The following RIT2 variants were observed in gnomAD, a reference collection of about 807,000 sequenced individuals.
RIT2 encodes the protein Ras like without CAAX 2.
Under a neutral mutation model 23.7 loss-of-function variants are expected in RIT2, and 24 were observed. That is an observed-to-expected ratio of 1.01 (90% CI 0.73 to 1.43). The LOEUF (loss-of-function observed/expected upper bound fraction) is 1.43, where lower values mean the gene tolerates loss of function less well. RIT2 is among the 40% of genes most tolerant of loss of function. RIT2 has a pLI of 0.00. For missense variants in RIT2, 236 were observed against 266.9 expected, an observed-to-expected ratio of 0.88 and a Z score of 0.81; for synonymous variants, 107 against 91.1, an observed-to-expected ratio of 1.17 and a Z score of -0.99.
At chr18:42,997,773 A>G (rs973834200) in intron 2 of RIT2, among the ~76,000 whole-genome samples, 3 of 152,206 alleles carry the variant, frequency 2.0e-5, no homozygotes, top group African/African-American at 7.2e-5. Context: ...ACACTATTTT[A>G]CCATCTCAAG....
intron 4 of RIT2, among the ~76,000 whole-genome samples, chr18:42,845,379 A>C (rs1466564142): frequency 1.3e-5 from 2 of 151,270 alleles, no homozygotes; most frequent in Non-Finnish European, 2.9e-5. Flanking sequence ...AAAAATATAT[A>C]GATTTATATG....
chr18:42,840,140 T>C (rs1016835103), intron 4 of RIT2, among the ~76,000 whole-genome samples: 1 of 152,226 alleles, frequency 6.6e-6, no homozygotes, highest in Non-Finnish European at 1.5e-5. Context: ...ACTGAATCTT[T>C]TGCTTGTTTC....
chr18:42,786,722 C>T (rs781153940), intron 4 of RIT2, among the ~76,000 whole-genome samples: 2 of 152,090 alleles, frequency 1.3e-5, no homozygotes, highest in Non-Finnish European at 2.9e-5. Context: ...CTCATTTCCA[C>T]CCACAGACCC....
intron 2 of RIT2, among the ~76,000 whole-genome samples, chr18:43,031,201 A>T (rs1911846619): frequency 6.6e-6 from 1 of 151,760 alleles, no homozygotes; most frequent in Non-Finnish European, 1.5e-5. Flanking sequence ...ATTCCTATGC[A>T]TCTTTCAAAA....
intron 4 of RIT2, among the ~76,000 whole-genome samples, chr18:42,757,633 G>T (rs771017593): frequency 3.9e-5 from 6 of 152,140 alleles, no homozygotes; most frequent in Admixed American, 1.3e-4. Flanking sequence ...GAAAATGTAC[G>T]TGCCTGTGCT....
chr18:42,794,266 A>G (rs1381750422), intron 4 of RIT2, among the ~76,000 whole-genome samples: 1 of 152,162 alleles, frequency 6.6e-6, no homozygotes, highest in Non-Finnish European at 1.5e-5. Context: ...GCAATGTTGT[A>G]GCAATGTTGT....
chr18:43,038,667 G>A (rs1025664200), intron 1 of RIT2, among the ~76,000 whole-genome samples: 3 of 152,022 alleles, frequency 2.0e-5, no homozygotes, highest in Non-Finnish European at 4.4e-5. Context: ...ATCTACACAC[G>A]ATTATTTGAG....
intron 4 of RIT2, among the ~76,000 whole-genome samples, chr18:42,795,094 C>T (rs111967993): frequency 0.058 from 8,760 of 152,324 alleles, 310 homozygotes; most frequent in Middle Eastern, 0.099. Flanking sequence ...TGGCAGTCCT[C>T]ACAGCCCTCG....
chr18:42,914,030 C>T (rs534314603), intron 4 of RIT2, among the ~76,000 whole-genome samples: 72 of 151,934 alleles, frequency 4.7e-4, no homozygotes, highest in African/African-American at 1.6e-3. Flanking sequence ...TGTACAGATC[C>T]TTAACTGTAG....
At chr18:43,041,813 A>G (rs1267185869) in intron 1 of RIT2, among the ~76,000 whole-genome samples, 1 of 152,144 alleles carries the variant, frequency 6.6e-6, no homozygotes, top group Admixed American at 6.5e-5. Context: ...TACTTCTCTG[A>G]AAATCTGACA....
chr18:42,896,612 T>A (rs1167411861), intron 4 of RIT2, among the ~76,000 whole-genome samples: 2 of 152,234 alleles, frequency 1.3e-5, no homozygotes, highest in African/African-American at 4.8e-5. Context: ...TTCTGTCTTA[T>A]AGCTAAGATT....
At chr18:42,947,239 G>A (rs1275734439) in intron 3 of RIT2, among the ~76,000 whole-genome samples, 1 of 152,090 alleles carries the variant, frequency 6.6e-6, no homozygotes, top group East Asian at 1.9e-4. Flanking sequence ...CAGACATAGT[G>A]AATAGCTAGT....
intron 1 of RIT2, among the ~76,000 whole-genome samples, chr18:43,042,509 A>G (rs1335562849): frequency 6.6e-6 from 1 of 152,138 alleles, no homozygotes; most frequent in Non-Finnish European, 1.5e-5. Context: ...TCCTCCAGAT[A>G]CCTGCATGGC....
chr18:42,942,851 A>G (rs549187858), intron 3 of RIT2, among the ~76,000 whole-genome samples: 1 of 152,284 alleles, frequency 6.6e-6, no homozygotes, highest in South Asian at 2.1e-4. Flanking sequence ...ATGTTTGACA[A>G]TAAATGATGT....
chr18:42,981,010 T>A (rs1910586165), intron 2 of RIT2, among the ~76,000 whole-genome samples: 1 of 152,052 alleles, frequency 6.6e-6, no homozygotes, highest in Non-Finnish European at 1.5e-5. Context: ...CCTGAGAGAG[T>A]AGAAGGATCC....
At chr18:43,045,174 G>A (rs994583406) in intron 1 of RIT2, among the ~76,000 whole-genome samples, 6 of 152,088 alleles carry the variant, frequency 3.9e-5, no homozygotes, top group Admixed American at 6.6e-5. Flanking sequence ...GCCAACATAC[G>A]TAAATACAAC....
At chr18:42,828,166 A>T (rs1430787656) in intron 4 of RIT2, among the ~76,000 whole-genome samples, 1 of 152,174 alleles carries the variant, frequency 6.6e-6, no homozygotes, top group Non-Finnish European at 1.5e-5. Flanking sequence ...TGCTGGCAAG[A>T]CCATGAATTT....
chr18:43,109,147 T>G (rs1240363642), intron 1 of RIT2, among the ~76,000 whole-genome samples: 2 of 152,252 alleles, frequency 1.3e-5, no homozygotes, highest in Admixed American at 6.5e-5. Flanking sequence ...ATATTGTTAC[T>G]GCTTTCTCTT....
intron 4 of RIT2, among the ~76,000 whole-genome samples, chr18:42,891,207 T>C (rs1460631718): frequency 6.6e-6 from 1 of 152,166 alleles, no homozygotes; most frequent in Admixed American, 6.6e-5. Flanking sequence ...TCCCTAATAG[T>C]ACACTCAGCT....
Sources: gnomAD v4.1 joint callset for allele counts (sites outside exome capture counted in the v4.1 genomes callset) on GRCh38, gnomAD v4.1.1 for gene constraint, MANE v1.5 for transcripts, NCBI Gene and HGNC (gene_info 2026-07-23, HGNC 2026-07-21) for gene names.